MYRIP: variants seen among roughly 807,000 people sequenced by gnomAD.
MYRIP encodes the protein rab effector MyRIP.
Under a neutral mutation model 98.0 loss-of-function variants are expected in MYRIP, and 49 were observed. The ratio of observed to expected loss-of-function variants is 0.50; its 90% CI spans 0.40 to 0.63. The LOEUF (loss-of-function observed/expected upper bound fraction) is 0.63. Among genes scored for constraint, MYRIP ranks in the 30% least tolerant of loss-of-function variants. The pLI, the probability that MYRIP is intolerant of heterozygous loss-of-function variation, is 0.00. For synonymous variants in MYRIP, 404 were observed against 409.5 expected (o/e 0.99, Z 0.16); for missense variants, 1,004 against 1,058.2 (o/e 0.95, Z 0.71).
At chr3:39,895,933 G>A (rs1259965361) in intron 1 of MYRIP, among the ~76,000 whole-genome samples, 2 of 148,492 alleles carry the variant, frequency 1.3e-5, no homozygotes, top group Non-Finnish European at 2.9e-5. Context: ...GTGTGTGTGT[G>A]TGTGCGCGTG....
At chr3:39,934,840 A>G (rs1045653008) in intron 2 of MYRIP, among the ~76,000 whole-genome samples, 2 of 152,298 alleles carry the variant, frequency 1.3e-5, no homozygotes, top group Non-Finnish European at 1.5e-5. Context: ...TGTCTCTTAG[A>G]CTGTGGACAG....
intron 3 of MYRIP, among the ~76,000 whole-genome samples, chr3:40,056,813 C>A (rs1471709489): frequency 6.6e-6 from 1 of 152,112 alleles, no homozygotes; most frequent in Non-Finnish European, 1.5e-5. Flanking sequence ...AGGTTGGGTA[C>A]CTTCCCGAAG....
chr3:40,137,616 A>G (rs574398005), intron 3 of MYRIP, among the ~76,000 whole-genome samples: 1 of 152,312 alleles, frequency 6.6e-6, no homozygotes, highest in East Asian at 1.9e-4. Flanking sequence ...CTTGATGAAC[A>G]TCGATGCAAA....
chr3:40,047,006 A>G (rs2125834953), intron 3 of MYRIP, among the ~76,000 whole-genome samples: 1 of 152,336 alleles, frequency 6.6e-6, no homozygotes, highest in Non-Finnish European at 1.5e-5. Flanking sequence ...ATTAGTTACA[A>G]TTAAATGACA....
At chr3:40,091,825 C>G (rs1416399543) in intron 3 of MYRIP, among the ~76,000 whole-genome samples, 1 of 152,156 alleles carries the variant, frequency 6.6e-6, no homozygotes. Flanking sequence ...AGAATTCAAA[C>G]AAGATAAATG....
At chr3:40,039,155 G>A (rs1947454744) in intron 2 of MYRIP, among the ~76,000 whole-genome samples, 1 of 152,072 alleles carries the variant, frequency 6.6e-6, no homozygotes, top group African/African-American at 2.4e-5. Context: ...CCACACCTTA[G>A]AGTCTGTTGC....
intron 1 of MYRIP, among the ~76,000 whole-genome samples, chr3:39,877,270 G>C (rs149566043): frequency 0.015 from 2,336 of 152,008 alleles, 61 homozygotes; most frequent in East Asian, 0.097. Flanking sequence ...TTTTCAACTT[G>C]TTTGCCTTTG....
At chr3:39,813,738 C>T (rs536569930) in intron 1 of MYRIP, among the ~76,000 whole-genome samples, 1 of 152,248 alleles carries the variant, frequency 6.6e-6, no homozygotes, top group Admixed American at 6.5e-5. Context: ...TATGGAATTG[C>T]TGAAAATAGA....
At chr3:40,039,549 A>G (rs1947463004) in intron 2 of MYRIP, among the ~76,000 whole-genome samples, 1 of 152,114 alleles carries the variant, frequency 6.6e-6, no homozygotes, top group African/African-American at 2.4e-5. Flanking sequence ...GTTTTCTTTA[A>G]GAAAAAGAAC....
At chr3:39,902,079 C>T (rs902526358) in intron 2 of MYRIP, among the ~76,000 whole-genome samples, 4 of 152,088 alleles carry the variant, frequency 2.6e-5, no homozygotes, top group Non-Finnish European at 5.9e-5. Context: ...AAGGACGTCC[C>T]CAAGGTTTTT....
chr3:40,229,415 A>C (rs6769124), intron 11 of MYRIP, among the ~76,000 whole-genome samples: 143,948 of 152,236 alleles, frequency 0.95, 68,221 homozygotes, highest in Middle Eastern at 0.98. Context: ...AGTTGGTCAT[A>C]TTCACTGGGA....
rs755428435 is a variant in MYRIP, at chr3:40,190,390, G to A, written c.1592G>A (p.Arg531Gln). The A allele has an allele frequency of 3.7e-5, 59 of 1,613,706 alleles. No individual in the cohort carries two copies. Among genetic ancestry groups the A allele is most frequent in the Admixed American group, 1.5e-4 (9 of 59,978 alleles). Residue 531 changes from arginine to glutamine, a missense_variant, in exon 10 of 17, where the codon CGA becomes CAA. By Grantham distance (43) the Arg-to-Gln change is conservative (BLOSUM62 1). This residue lies in a region of MYRIP where 880 missense variants were observed against 907.7 expected (regional missense o/e 0.97). Transcript: ENST00000302541. Reference sequence around the variant, plus strand: ...CGGGCCAGGAGGTGGAGAAGAGCCCGACTGGGCTCAGAAGAGCCAAGCAAA... The same window carrying A: ...CGGGCCAGGAGGTGGAGAAGAGCCCAACTGGGCTCAGAAGAGCCAAGCAAA... The part of the protein sequence containing the change: ...DRRARRWRRA[R>Q]LGSEEPSKEP...
At chr3:40,039,660 G>C (rs550669045) in intron 2 of MYRIP, among the ~76,000 whole-genome samples, 38 of 151,972 alleles carry the variant, frequency 2.5e-4, no homozygotes, top group Admixed American at 5.9e-4. Flanking sequence ...AAGAGGTTAC[G>C]ACTATAAGAG....
chr3:40,137,073 CA>C (rs1231091136), intron 3 of MYRIP, among the ~76,000 whole-genome samples: 1 of 152,100 alleles, frequency 6.6e-6, no homozygotes, highest in East Asian at 1.9e-4. Context: ...AAAAACCCTT[CA>C]AAAAATCAAT....
intron 2 of MYRIP, among the ~76,000 whole-genome samples, chr3:40,009,750 A>G (rs913617990): frequency 6.6e-6 from 1 of 152,162 alleles, no homozygotes; most frequent in Non-Finnish European, 1.5e-5. Flanking sequence ...CTCTGATGCT[A>G]TTACTAATGC....
At chr3:39,985,041 G>C (rs1040359080) in intron 2 of MYRIP, among the ~76,000 whole-genome samples, 2 of 134,864 alleles carry the variant, frequency 1.5e-5, no homozygotes, top group African/African-American at 6.3e-5. Flanking sequence ...AGAAGTGTCT[G>C]TTCATGTCCT....
At chr3:39,941,994 T>C (rs999487460) in intron 2 of MYRIP, among the ~76,000 whole-genome samples, 2 of 152,188 alleles carry the variant, frequency 1.3e-5, no homozygotes, top group Non-Finnish European at 2.9e-5. Flanking sequence ...TTTGATCCTT[T>C]TGAAACTTGC....
At chr3:39,821,762 T>C (rs1941109083) in intron 1 of MYRIP, among the ~76,000 whole-genome samples, 1 of 152,158 alleles carries the variant, frequency 6.6e-6, no homozygotes, top group South Asian at 2.1e-4. Context: ...TTTTTTTTTC[T>C]ATTTTAATTC....
chr3:40,250,133 T>C, intron 13 of MYRIP, 89 bp from the exon 14 acceptor site: 2 of 1,072,364 alleles, frequency 1.9e-6, no homozygotes, highest in South Asian at 1.4e-5. Context: ...TCAAAGCAGA[T>C]TTGTCTTTAT....
Sources: allele counts gnomAD v4.1 joint callset (sites outside exome capture counted in the v4.1 genomes callset), GRCh38; gene constraint gnomAD v4.1.1; regional missense constraint gnomAD v4.1.1; transcripts MANE v1.5; gene names NCBI Gene and HGNC (gene_info 2026-07-23, HGNC 2026-07-21).